The following PUDP variants were observed in gnomAD, a reference collection of about 807,000 sequenced individuals.
PUDP encodes the protein pseudouridine-5'-phosphatase.
Under a neutral mutation model 9.4 loss-of-function variants are expected in PUDP, and 8 were observed. The observed-to-expected ratio is 0.85, with a 90% CI of 0.50 to 1.53. PUDP has a LOEUF of 1.53. Among genes scored for constraint, PUDP ranks in the 40% most tolerant of loss-of-function variants. The pLI, the probability that PUDP is intolerant of heterozygous loss-of-function variation, is 0.00. For synonymous variants in PUDP, 99 were observed against 80.7 expected, an observed-to-expected ratio of 1.23 and a Z score of -1.22; for missense variants, 188 against 189.7, an observed-to-expected ratio of 0.99 and a Z score of 0.05.
chrX:6,828,920 T>A, intron 3 of PUDP, among the ~76,000 whole-genome samples: 1 of 111,365 alleles, frequency 9.0e-6, no homozygotes, highest in Non-Finnish European at 1.9e-5. Flanking sequence ...GTATCACAGT[T>A]CATTTACGTA....
rs762240244 is a variant in PUDP, at chrX:6,771,625, G to A, written c.*248-65159C>T. On this transcript the variant is annotated intron_variant and NMD_transcript_variant, in intron 3 of 3. Transcript: ENST00000655425. ...AAGAAAACTCAATAGTTACTTGTTG[G>A]CTTATGTTTATTGACATCACAGATG... Among the ~76,000 whole-genome samples the A allele has an allele frequency of 5.4e-5, 6 of 112,121 alleles. No individual in the cohort carries two copies. The South Asian group carries it at 2.2e-3, about 41-fold the overall frequency.
chrX:6,933,363 C>A (rs1391072903), intron 3 of PUDP, among the ~76,000 whole-genome samples: 1 of 111,709 alleles, frequency 9.0e-6, no homozygotes, highest in Admixed American at 9.5e-5. Flanking sequence ...GCTGCGGATA[C>A]CCAGGCAAAC....
intron 1 of PUDP, among the ~76,000 whole-genome samples, chrX:6,712,678 C>T (rs1253843520): frequency 9.0e-6 from 1 of 111,514 alleles, no homozygotes; most frequent in Non-Finnish European, 1.9e-5. Flanking sequence ...CTCACAGGAT[C>T]AGGACTCCAA....
At chrX:6,900,365 GGCCACAGATGCTGTTGAACATCCTACAAT>G (rs1197621392) in intron 3 of PUDP, among the ~76,000 whole-genome samples, 3 of 107,702 alleles carry the variant, frequency 2.8e-5, no homozygotes, top group Non-Finnish European at 5.8e-5. Context: ...GGTGGGTGGA[GGCCACAGATGCTGTTGAACATCCTACAAT>G]GCACAGGATG....
At chrX:6,800,400 C>G (rs956480620) in intron 3 of PUDP, among the ~76,000 whole-genome samples, 8 of 111,747 alleles carry the variant, frequency 7.2e-5, no homozygotes, top group African/African-American at 2.0e-4. Context: ...TGATACCCAC[C>G]ACCAACAGTT....
intron 3 of PUDP, among the ~76,000 whole-genome samples, chrX:6,913,301 T>C (rs770578283): frequency 2.7e-5 from 3 of 112,264 alleles, no homozygotes; most frequent in African/African-American, 9.7e-5. Flanking sequence ...GCATCTGCAT[T>C]AGATAACATG....
At chrX:7,071,036 T>A (rs1413383272) in intron 3 of PUDP, among the ~76,000 whole-genome samples, 1 of 112,271 alleles carries the variant, frequency 8.9e-6, no homozygotes, top group Non-Finnish European at 1.9e-5. Context: ...ACGATAAGGA[T>A]AAGTTAAGAT....
chrX:6,720,664 AAATAAT>A (rs34237665), intron 1 of PUDP, among the ~76,000 whole-genome samples: 7 of 104,068 alleles, frequency 6.7e-5, no homozygotes, highest in Non-Finnish European at 9.8e-5. Context: ...CACTATCCCC[AAATAAT>A]AATAATAATA....
chrX:6,932,900 G>A (rs368793785), intron 3 of PUDP, among the ~76,000 whole-genome samples: 244 of 110,542 alleles, frequency 2.2e-3, no homozygotes, highest in Non-Finnish European at 3.7e-3. Flanking sequence ...ACTGCAAGGC[G>A]GCAACGAGGC....
chrX:6,926,922 C>CTTTTTTTTTTTTTTTTTT (rs61299123), intron 3 of PUDP, among the ~76,000 whole-genome samples: 1 of 66,855 alleles, frequency 1.5e-5, no homozygotes, highest in African/African-American at 6.2e-5. Context: ...GAGACAATTC[C>CTTTTTTTTTTTTTTTTTT]TTTTTTTTTT....
intron 2 of PUDP, among the ~76,000 whole-genome samples, chrX:7,103,519 A>G (rs1179097994): frequency 8.9e-6 from 1 of 112,472 alleles, no homozygotes; most frequent in Non-Finnish European, 1.9e-5. Flanking sequence ...CTATGACACC[A>G]AAAGCACAGG....
At chrX:6,719,057 T>C (rs950717583) in intron 1 of PUDP, among the ~76,000 whole-genome samples, 7 of 111,214 alleles carry the variant, frequency 6.3e-5, no homozygotes, top group Middle Eastern at 4.6e-3. Context: ...CTGTGAGACC[T>C]TGAAGAAGGG....
intron 3 of PUDP, among the ~76,000 whole-genome samples, chrX:6,760,508 T>G (rs188348352): frequency 4.5e-5 from 5 of 112,076 alleles, no homozygotes; most frequent in Non-Finnish European, 9.4e-5. Flanking sequence ...ACAGAATGCA[T>G]CCCATCTGTA....
At chrX:6,960,048 G>T (rs1928684946) in intron 3 of PUDP, among the ~76,000 whole-genome samples, 1 of 112,456 alleles carries the variant, frequency 8.9e-6, no homozygotes, top group South Asian at 3.7e-4. Flanking sequence ...TGCCTCAGAA[G>T]AAATCAAGCT....
intron 3 of PUDP, among the ~76,000 whole-genome samples, chrX:6,921,850 G>A (rs1292128786): frequency 9.0e-6 from 1 of 111,158 alleles, no homozygotes; most frequent in Non-Finnish European, 1.9e-5. Flanking sequence ...TCAATTGTGT[G>A]TTTCCTGACC....
chrX:7,032,795 T>A (rs1259784626), intron 1 of PUDP, among the ~76,000 whole-genome samples: 1 of 111,697 alleles, frequency 9.0e-6, no homozygotes, highest in Non-Finnish European at 1.9e-5. Flanking sequence ...CAGGTGAATA[T>A]ATTTGTGTAA....
Position 6,771,469 on chromosome X carries a change from G to A in PUDP, c.*248-65003C>T, listed in dbSNP as rs774021476. ...TGAATATCTCTTTTGGAGCATGTCC[G>A]CAACTCAAATTAGTAGTCATTTGCC... On this transcript the variant is annotated intron_variant and NMD_transcript_variant, in intron 3 of 3. Coordinates refer to the PUDP transcript ENST00000655425. Among the ~76,000 whole-genome samples the A allele has an allele frequency of 8.0e-5, 9 of 111,845 alleles. No individual in the cohort carries two copies. In the East Asian group the frequency reaches 1.4e-3, roughly 17 times the overall value.
chrX:6,782,351 C>T (rs1189202638), intron 3 of PUDP, among the ~76,000 whole-genome samples: 2 of 111,275 alleles, frequency 1.8e-5, no homozygotes, highest in African/African-American at 3.3e-5. Context: ...GGGTTGATCA[C>T]CTGAGGTCAG....
chrX:6,816,975 AT>A (rs1289277466), intron 3 of PUDP, among the ~76,000 whole-genome samples: 1 of 94,865 alleles, frequency 1.1e-5, no homozygotes, highest in African/African-American at 4.2e-5. Flanking sequence ...ATATATACAC[AT>A]ATAGTATATA....
Sources: gnomAD v4.1 joint callset for allele counts (sites outside exome capture counted in the v4.1 genomes callset) on GRCh38, gnomAD v4.1.1 for gene constraint, MANE v1.5 for transcripts, NCBI Gene and HGNC (gene_info 2026-07-23, HGNC 2026-07-21) for gene names.